The following TENM4 variants were observed in gnomAD, a reference collection of about 807,000 sequenced individuals.
TENM4 encodes teneurin transmembrane protein 4.
A neutral mutation model predicts 243.3 loss-of-function variants in TENM4; 82 were observed. That is an observed-to-expected ratio of 0.34 (90% CI 0.28 to 0.40). TENM4 has a LOEUF of 0.40. TENM4 is among the 10% of genes least tolerant of loss of function. The probability of loss-of-function intolerance (pLI) is 1.00; values close to 1 mark genes in which losing one functional copy is unlikely to be tolerated. For missense variants in TENM4, 3,138 were observed against 3,673.3 expected (o/e 0.85, Z 3.77); for synonymous variants, 1,412 against 1,456.3 (o/e 0.97, Z 0.69).
intron 4 of TENM4, among the ~76,000 whole-genome samples, chr11:79,119,727 C>CAG (rs1277508963): frequency 1.3e-5 from 2 of 152,184 alleles, no homozygotes; most frequent in African/African-American, 2.4e-5. Context: ...CCTCTTGCTC[C>CAG]AATGGGGTAA....
rs1459764285 is a variant in TENM4, at chr11:78,655,478, A to G, written c.*2580T>C. 1 of 152,092 alleles carries G rather than the reference A, an allele frequency of 6.6e-6. No homozygotes were observed. Among genetic ancestry groups the G allele is most frequent in the Non-Finnish European group, 1.5e-5 (1 of 68,034 alleles). 9.4% of individuals were successfully genotyped at this position (152,092 alleles called of 1,614,324 possible). A position where few individuals can be genotyped will look rare whatever the true frequency, so the allele number is the denominator to read the frequency against. ...GATCGCCTGAGGCCAGGAGTTTGAG[A>G]ACAGCCTGGGCAACATAGTGAGACC... On this transcript the variant is annotated 3_prime_UTR_variant, in exon 34 of 34. Coordinates refer to ENST00000278550, the MANE Select transcript of TENM4 (RefSeq NM_001098816.3).
At chr11:79,209,900 A>G (rs1863925486) in intron 3 of TENM4, among the ~76,000 whole-genome samples, 1 of 152,292 alleles carries the variant, frequency 6.6e-6, no homozygotes, top group African/African-American at 2.4e-5. Flanking sequence ...TTGCAGTTTG[A>G]TTACTGGAAA....
chr11:78,845,627 C>A (rs551465827), intron 12 of TENM4, among the ~76,000 whole-genome samples: 1 of 152,162 alleles, frequency 6.6e-6, no homozygotes, highest in Non-Finnish European at 1.5e-5. Context: ...GGCGGCCTCA[C>A]ATTTAATTAT....
intron 6 of TENM4, among the ~76,000 whole-genome samples, chr11:78,930,833 G>A (rs544398475): frequency 6.6e-6 from 1 of 152,168 alleles, no homozygotes; most frequent in Non-Finnish European, 1.5e-5. Flanking sequence ...ATTAAAACCA[G>A]GCCCTGAGCG....
intron 19 of TENM4, among the ~76,000 whole-genome samples, chr11:78,745,212 C>CA (rs1856020902): frequency 6.8e-6 from 1 of 147,534 alleles, no homozygotes; most frequent in Non-Finnish European, 1.5e-5. Context: ...GTCCCTCTTT[C>CA]TTTTTTTTCT....
chr11:79,195,456 A>G (rs1330037700), intron 3 of TENM4, among the ~76,000 whole-genome samples: 3 of 152,194 alleles, frequency 2.0e-5, no homozygotes, highest in African/African-American at 7.2e-5. Flanking sequence ...CTGCAAAGCC[A>G]AAGAGGTGGA....
chr11:79,013,140 C>T (rs943995997), intron 6 of TENM4, among the ~76,000 whole-genome samples: 4 of 152,208 alleles, frequency 2.6e-5, no homozygotes, highest in South Asian at 2.1e-4. Flanking sequence ...CTCTTTCAGA[C>T]ATTCGGGAAA....
intron 2 of TENM4, among the ~76,000 whole-genome samples, chr11:79,292,704 T>C (rs1856377091): frequency 6.6e-6 from 1 of 152,246 alleles, no homozygotes; most frequent in East Asian, 1.9e-4. Flanking sequence ...AGCTTTCATG[T>C]CAGTCAAGCT....
chr11:78,935,086 A>G (rs932185206), intron 6 of TENM4, among the ~76,000 whole-genome samples: 5 of 135,124 alleles, frequency 3.7e-5, no homozygotes, highest in African/African-American at 1.4e-4. Flanking sequence ...ATCTCGGCTC[A>G]CTGCAAGCTC....
intron 10 of TENM4, among the ~76,000 whole-genome samples, chr11:78,858,271 C>CAG (rs1858727449): frequency 6.6e-6 from 1 of 152,100 alleles, no homozygotes; most frequent in African/African-American, 2.4e-5. Context: ...GGCTCTTACC[C>CAG]CAGAGGAGGT....
At chr11:78,903,567 G>T in intron 6 of TENM4, 44 bp from the exon 7 acceptor site, 1 of 1,539,178 alleles carries the variant, frequency 6.5e-7, no homozygotes. Context: ...GCTTGGTGCT[G>T]CCCCTCGGCT....
At chr11:79,109,955 T>C (rs1591289705) in intron 4 of TENM4, among the ~76,000 whole-genome samples, 1 of 152,236 alleles carries the variant, frequency 6.6e-6, no homozygotes, top group African/African-American at 2.4e-5. Context: ...AATGCAGCTA[T>C]TGTTGCTTTC....
chr11:78,665,129 C>G (rs1858122363), intron 32 of TENM4, among the ~76,000 whole-genome samples: 1 of 150,244 alleles, frequency 6.7e-6, no homozygotes, highest in South Asian at 2.1e-4. Context: ...CAACAATAAT[C>G]TCCTTCCTTC....
intron 4 of TENM4, among the ~76,000 whole-genome samples, chr11:79,142,979 C>T (rs1203382081): frequency 2.0e-5 from 3 of 152,118 alleles, no homozygotes; most frequent in Non-Finnish European, 2.9e-5. Context: ...CAATGAGATA[C>T]CATCTCACAC....
At chr11:79,057,007 C>T (rs1041065667) in intron 6 of TENM4, among the ~76,000 whole-genome samples, 1 of 152,164 alleles carries the variant, frequency 6.6e-6, no homozygotes, top group African/African-American at 2.4e-5. Flanking sequence ...AAAGTTCTAT[C>T]CCCATCCACA....
intron 1 of TENM4, among the ~76,000 whole-genome samples, chr11:79,399,972 G>A (rs774167567): frequency 5.3e-5 from 8 of 152,004 alleles, no homozygotes; most frequent in Non-Finnish European, 1.0e-4. Flanking sequence ...TCCCACCCAA[G>A]GCAGAAATCC....
At chr11:78,730,647 T>A (rs907779129) in intron 21 of TENM4, among the ~76,000 whole-genome samples, 1 of 152,250 alleles carries the variant, frequency 6.6e-6, no homozygotes, top group African/African-American at 2.4e-5. Context: ...GATAACTTTA[T>A]CAGCTTGATG....
intron 1 of TENM4, among the ~76,000 whole-genome samples, chr11:79,324,145 A>C (rs1856936748): frequency 6.6e-6 from 1 of 152,160 alleles, no homozygotes; most frequent in Non-Finnish European, 1.5e-5. Flanking sequence ...TAAATACTAT[A>C]TAGTTTTTAT....
Position 78,772,612 on chromosome 11 carries a change from C to T in TENM4, c.2393-1474G>A, listed in dbSNP as rs1453889253. On this transcript the variant is annotated intron_variant, in intron 17 of 33. Transcript: ENST00000278550. ...CAAATGTGAAAGTGGCTGTCCAGTA[C>T]AAGACCTGGGCCAAGATAGCCACTC... Among the ~76,000 whole-genome samples the T allele has an allele frequency of 2.0e-5, 3 of 150,852 alleles. No homozygotes were observed. In the East Asian group the frequency reaches 5.8e-4, roughly 29 times the overall value.
Sources: gnomAD v4.1 joint callset for allele counts (sites outside exome capture counted in the v4.1 genomes callset) on GRCh38, gnomAD v4.1.1 for gene constraint, MANE v1.5 for transcripts, NCBI Gene and HGNC (gene_info 2026-07-23, HGNC 2026-07-21) for gene names.